The following HLCS variants were observed in gnomAD, a reference collection of about 807,000 sequenced individuals.
HLCS encodes the protein biotin--protein ligase.
HLCS carries 53 observed loss-of-function variants against 75.0 expected under a neutral mutation model. That is an observed-to-expected ratio of 0.71 (90% confidence interval 0.57 to 0.89). HLCS has a LOEUF of 0.89. Among genes scored for constraint, HLCS ranks in the 40% least tolerant of loss-of-function variants. The pLI is 0.00. For missense variants in HLCS, 966 were observed against 1,074.0 expected (o/e 0.90, Z 1.41); for synonymous variants, 431 against 428.6 (o/e 1.01, Z -0.07).
At chr21:36,762,424 G>C (rs750969926) in intron 8 of HLCS, among the ~76,000 whole-genome samples, 4 of 152,174 alleles carry the variant, frequency 2.6e-5, no homozygotes, top group Non-Finnish European at 5.9e-5. Context: ...AAGAGCAGGA[G>C]TGAGAATGGG....
In HLCS at chr21:36,749,441, GAACT is replaced by G. The variant is rs1438836669; in HGVS notation, c.*4801_*4804del. ...CCTACACCAACTGCTCTCAAAATGT[GAACT>G]GACTTTTTTTTTTTTTTTTTTGCCA... On this transcript the variant is annotated 3_prime_UTR_variant, in exon 11 of 11. Coordinates refer to ENST00000674895, the MANE Select transcript of HLCS (RefSeq NM_001352514.2). The G allele has an allele frequency of 2.8e-4, 34 of 119,380 alleles. No homozygotes were observed. The highest frequency in any genetic ancestry group is 4.8e-4 in the Admixed American group (6 of 12,412). The allele number at this position is 119,380 out of a possible 1,614,324, so 7.4% of individuals were successfully genotyped here.
At chr21:36,901,082 G>A (rs1351605285) in intron 5 of HLCS, among the ~76,000 whole-genome samples, 1 of 152,100 alleles carries the variant, frequency 6.6e-6, no homozygotes, top group African/African-American at 2.4e-5. Flanking sequence ...CCAACATGGT[G>A]AAACCCCACC....
chr21:36,833,583 T>TAAA (rs202073421), intron 6 of HLCS, among the ~76,000 whole-genome samples: 1 of 141,952 alleles, frequency 7.0e-6, no homozygotes, highest in African/African-American at 2.7e-5. Flanking sequence ...GGAGACTGTC[T>TAAA]AAAAAAAAAT....
At chr21:36,841,447 T>C (rs1306365713) in intron 6 of HLCS, among the ~76,000 whole-genome samples, 3 of 152,082 alleles carry the variant, frequency 2.0e-5, no homozygotes, top group African/African-American at 4.8e-5. Flanking sequence ...GTGAGGTCTG[T>C]GTAAAGGATA....
At chr21:36,951,831 A>G (rs1024053231) in intron 2 of HLCS, among the ~76,000 whole-genome samples, 5 of 152,266 alleles carry the variant, frequency 3.3e-5, no homozygotes, top group African/African-American at 1.2e-4. Flanking sequence ...ACTGAGCTGA[A>G]TCTGCCATCA....
At chr21:36,875,555 C>T (rs1159050837) in intron 6 of HLCS, among the ~76,000 whole-genome samples, 3 of 152,158 alleles carry the variant, frequency 2.0e-5, no homozygotes, top group South Asian at 2.1e-4. Context: ...AACATGTCTG[C>T]GGAAAGGAGC....
intron 5 of HLCS, among the ~76,000 whole-genome samples, chr21:36,909,087 TG>T (rs1202497432): frequency 6.6e-6 from 1 of 151,974 alleles, no homozygotes; most frequent in Non-Finnish European, 1.5e-5. Flanking sequence ...TCCCAGCTAC[TG>T]AGGGAGACTG....
chr21:36,874,258 C>G (rs2063874240), intron 6 of HLCS, among the ~76,000 whole-genome samples: 2 of 151,974 alleles, frequency 1.3e-5, no homozygotes, highest in African/African-American at 4.8e-5. Flanking sequence ...AAAAATTAGC[C>G]AGGTGTTGTG....
At chr21:36,810,262 T>C (rs2061474826) in intron 6 of HLCS, among the ~76,000 whole-genome samples, 1 of 152,236 alleles carries the variant, frequency 6.6e-6, no homozygotes, top group Non-Finnish European at 1.5e-5. Context: ...TGGATGACTG[T>C]TAGTTCTTTT....
chr21:36,806,510 G>C (rs1033965365), intron 6 of HLCS, among the ~76,000 whole-genome samples: 2 of 152,166 alleles, frequency 1.3e-5, no homozygotes, highest in African/African-American at 2.4e-5. Context: ...CGGTCAGTGT[G>C]CTATCTTTTG....
chr21:36,937,404 A>C lies in HLCS; in HGVS notation c.494-12T>G. The C allele has an allele frequency of 3.7e-6, 6 of 1,605,938 alleles. No individual in the cohort carries two copies. The highest frequency in any genetic ancestry group is 1.1e-5 in the South Asian group (1 of 90,874). Reference sequence around the variant, plus strand: ...CTGCAAGTGCACCGCTAAGGCATGAATAGGAGAGAGAGACAGAAAATTAAT... The same window carrying C: ...CTGCAAGTGCACCGCTAAGGCATGACTAGGAGAGAGAGACAGAAAATTAAT... On this transcript the variant is annotated splice_polypyrimidine_tract_variant and intron_variant, in intron 3 of 10. Transcript: ENST00000674895.
intron 5 of HLCS, among the ~76,000 whole-genome samples, chr21:36,903,969 C>A (rs2065345212): frequency 6.6e-6 from 1 of 152,120 alleles, no homozygotes; most frequent in African/African-American, 2.4e-5. Context: ...CTGGCACACT[C>A]CTGCCCTCTC....
intron 6 of HLCS, among the ~76,000 whole-genome samples, chr21:36,880,450 G>C (rs1745691004): frequency 6.6e-6 from 1 of 151,970 alleles, no homozygotes; most frequent in South Asian, 2.1e-4. Context: ...GCCCAGGTTT[G>C]CAACATCTAA....
chr21:36,805,460 G>A (rs1035677681), intron 6 of HLCS, among the ~76,000 whole-genome samples: 3 of 152,190 alleles, frequency 2.0e-5, no homozygotes, highest in Non-Finnish European at 4.4e-5. Flanking sequence ...CCAGCTCTGC[G>A]GCAGGTTAAG....
At chr21:36,798,105 C>G (rs1460369513) in intron 6 of HLCS, among the ~76,000 whole-genome samples, 2 of 152,106 alleles carry the variant, frequency 1.3e-5, no homozygotes, top group Non-Finnish European at 2.9e-5. Context: ...ACGATCCGGG[C>G]AGGGAGAAGA....
At chr21:36,942,279 G>C (rs1198616552) in intron 2 of HLCS, among the ~76,000 whole-genome samples, 2 of 151,928 alleles carry the variant, frequency 1.3e-5, no homozygotes, top group East Asian at 3.9e-4. Context: ...TTTAGAAAAA[G>C]GAGAAACTGG....
intron 5 of HLCS, among the ~76,000 whole-genome samples, chr21:36,905,413 T>C (rs2065409541): frequency 6.6e-6 from 1 of 152,184 alleles, no homozygotes; most frequent in Non-Finnish European, 1.5e-5. Context: ...CTAGTTCTAT[T>C]GACAACAAAC....
intron 6 of HLCS, among the ~76,000 whole-genome samples, chr21:36,838,268 TTTTC>T (rs1342991921): frequency 1.3e-5 from 2 of 150,452 alleles, no homozygotes; most frequent in African/African-American, 4.9e-5. Flanking sequence ...ACAATGGGAG[TTTTC>T]TTTCTTTCTG....
chr21:36,896,868 G>A lies in HLCS; in HGVS notation c.1884C>T (p.Leu628=), dbSNP rs780139484. Residue 628 remains leucine (L), a synonymous_variant, in exon 6 of 11, where the codon CTC becomes CTT. Transcript: ENST00000674895. The stretch of plus-strand genomic sequence containing the variant: ...ACCTGCTCACACCTTACCCATCCAG[G>A]AGACGCATCGTTGTGGGGGTCACTT... ...FAEVTPTTMR[L]LDGLMFQTPQ... is the part of the protein sequence containing the mutation. 1 of 1,614,040 alleles carries A rather than the reference G, an allele frequency of 6.2e-7. No individual in the cohort carries two copies. Among genetic ancestry groups the A allele is most frequent in the Admixed American group, 1.7e-5 (1 of 60,006 alleles).
Sources: gnomAD v4.1 joint callset for allele counts (sites outside exome capture counted in the v4.1 genomes callset) on GRCh38, gnomAD v4.1.1 for gene constraint, MANE v1.5 for transcripts, NCBI Gene and HGNC (gene_info 2026-07-23, HGNC 2026-07-21) for gene names.